MTERF4: variants seen among roughly 807,000 people sequenced by gnomAD.
The protein encoded by MTERF4 is mitochondrial transcription termination factor 4.
MTERF4 carries 17 observed loss-of-function variants against 22.5 expected under a neutral mutation model. The observed-to-expected ratio is 0.75, with a 90% CI of 0.52 to 1.13. The LOEUF (loss-of-function observed/expected upper bound fraction) is 1.13. Ranked by LOEUF, MTERF4 falls within the 50% of genes most tolerant of loss-of-function variation. The pLI is 0.00. For synonymous variants in MTERF4, 165 were observed against 175.3 expected (o/e 0.94, Z 0.47); for missense variants, 420 against 466.8 (o/e 0.90, Z 0.92).
the MTERF4 span, among the ~76,000 whole-genome samples, chr2:241,044,000 G>A: frequency 6.6e-6 from 1 of 152,216 alleles, no homozygotes; most frequent in Non-Finnish European, 1.5e-5. Flanking sequence ...CTGTTTGAAG[G>A]TAGGCTGTGT....
downstream of MTERF4, chr2:241,070,338 G>A: frequency 1.0e-6 from 1 of 958,424 alleles, no homozygotes; most frequent in Non-Finnish European, 1.5e-6. Flanking sequence ...AGCAGGGGAG[G>A]AGTCTGTGTA....
chr2:241,091,591 G>A (rs947845775), downstream of MTERF4: 9 of 152,212 alleles, frequency 5.9e-5, no homozygotes, highest in African/African-American at 1.9e-4. The surrounding 1 kb of genome is among the most constrained non-coding windows in gnomAD (Gnocchi z 4.1). Context: ...AGAGGAGTGG[G>A]AATGCCTGTC....
At chr2:241,084,400 C>T (rs2063480924), downstream of MTERF4, among the ~76,000 whole-genome samples, 2 of 152,086 alleles carry the variant, frequency 1.3e-5, no homozygotes, top group African/African-American at 4.8e-5. Flanking sequence ...GTGATCCACC[C>T]ACCTTGCCCT....
the MTERF4 span, among the ~76,000 whole-genome samples, chr2:241,056,580 A>ATTTTT: frequency 3.1e-4 from 34 of 111,224 alleles, 3 homozygotes; most frequent in East Asian, 2.4e-3. Flanking sequence ...AATAAGTGAA[A>ATTTTT]TTTTTTTTTT....
At chr2:241,065,660 G>A in the MTERF4 span, 47 of 1,394,678 alleles carry the variant, frequency 3.4e-5, no homozygotes, top group East Asian at 4.3e-4. Context: ...CGCTGGCCCC[G>A]GCACCTGCAG....
the MTERF4 span, among the ~76,000 whole-genome samples, chr2:241,060,382 C>T: frequency 7.2e-4 from 109 of 152,248 alleles, 1 homozygote; most frequent in African/African-American, 2.6e-3. Context: ...GGGGTTTCAC[C>T]ATGTTGGCCA....
At chr2:241,052,430 A>G in the MTERF4 span, 63 of 1,608,622 alleles carry the variant, frequency 3.9e-5, no homozygotes, top group Non-Finnish European at 5.2e-5. Flanking sequence ...TTCTTCTGCC[A>G]CTGCCAAGCA....
the MTERF4 span, among the ~76,000 whole-genome samples, chr2:241,054,097 C>G: frequency 1.3e-5 from 2 of 150,970 alleles, no homozygotes; most frequent in African/African-American, 4.9e-5. Context: ...CTGGGAACAC[C>G]TGGCTTCAAG....
downstream of MTERF4, among the ~76,000 whole-genome samples, chr2:241,083,427 T>C (rs191051531): frequency 3.6e-4 from 55 of 152,040 alleles, no homozygotes; most frequent in African/African-American, 1.3e-3. Context: ...AGCAGAAGAG[T>C]GACATGTTCG....
At chr2:241,090,112 T>C (rs1055438614), downstream of MTERF4, 2 of 1,492,384 alleles carry the variant, frequency 1.3e-6, no homozygotes, top group African/African-American at 2.8e-5. Context: ...TTTTTACTTT[T>C]TAACTCTTTT....
At chr2:241,081,009 AG>A (rs2063301682) in intron 4 of MTERF4, among the ~76,000 whole-genome samples, 1 of 152,234 alleles carries the variant, frequency 6.6e-6, no homozygotes, top group African/African-American at 2.4e-5. Flanking sequence ...ATCAGGTGCA[AG>A]GCCCGTGGGG....
At chr2:241,089,917 G>A (rs1016975104), downstream of MTERF4, 8 of 1,534,604 alleles carry the variant, frequency 5.2e-6, no homozygotes, top group African/African-American at 4.2e-5. Context: ...TGCCAAGTGT[G>A]TGTGTATCTA....
At chr2:241,095,066 C>CAA (rs2064320344), downstream of MTERF4, 4 of 138,324 alleles carry the variant, frequency 2.9e-5, no homozygotes, top group Non-Finnish European at 4.9e-5. Context: ...ACACGCCCCC[C>CAA]CCCCCCCCCA....
chr2:241,087,213 C>T (rs2063628818), downstream of MTERF4: 1 of 592,178 alleles, frequency 1.7e-6, no homozygotes, highest in South Asian at 2.3e-5. Context: ...TATTACAAAT[C>T]ACATGACCTT....
At chr2:241,083,507 T>C (rs2063431163), downstream of MTERF4, among the ~76,000 whole-genome samples, 1 of 152,198 alleles carries the variant, frequency 6.6e-6, no homozygotes, top group Non-Finnish European at 1.5e-5. Context: ...TCATTAGAGC[T>C]TGGACATGAA....
intron 4 of MTERF4, among the ~76,000 whole-genome samples, chr2:241,076,675 G>A (rs2063034388): frequency 6.6e-6 from 1 of 152,060 alleles, no homozygotes; most frequent in Non-Finnish European, 1.5e-5. Flanking sequence ...AGACTAGCCT[G>A]GCCAACATGG....
At chr2:241,083,880 G>C (rs1311284990), downstream of MTERF4, among the ~76,000 whole-genome samples, 1 of 145,116 alleles carries the variant, frequency 6.9e-6, no homozygotes, top group African/African-American at 2.6e-5. Flanking sequence ...GGCTGATGTG[G>C]TTGGATTTAA....
rs1188055781 is a variant in MTERF4, at chr2:241,075,209, C to T, written n.953G>A. 6.6e-6 allele frequency: 1 copy of T among 152,006 alleles called. No individual in the cohort carries two copies. Among genetic ancestry groups the T allele is most frequent in the African/African-American group, 2.4e-5 (1 of 41,338 alleles). 9.4% of individuals were successfully genotyped at this position (152,006 alleles called of 1,614,324 possible). ...TATGAGCAGTGCTGCAGTGGATGTT[C>T]CTGTACAGGTTTTCCAGTACGTGTG... On this transcript the variant is annotated non_coding_transcript_exon_variant, in exon 5 of 5. Transcript: ENST00000464344. This position sits in a 1 kb window ranked among gnomAD's most constrained non-coding sequence, Gnocchi z 4.8.
chr2:241,083,513 A>G (rs891620728), downstream of MTERF4, among the ~76,000 whole-genome samples: 3 of 152,232 alleles, frequency 2.0e-5, no homozygotes, highest in Admixed American at 6.5e-5. Context: ...GAGCTTGGAC[A>G]TGAAGCCAGG....
Sources: allele counts gnomAD v4.1 joint callset (sites outside exome capture counted in the v4.1 genomes callset), GRCh38; gene constraint gnomAD v4.1.1; non-coding constraint Gnocchi (gnomAD v3.1); transcripts MANE v1.5; gene names NCBI Gene and HGNC (gene_info 2026-07-23, HGNC 2026-07-21).